PRKAB1: variants seen among roughly 807,000 people sequenced by gnomAD.
PRKAB1 encodes the protein protein kinase AMP-activated non-catalytic subunit beta 1.
A neutral mutation model predicts 32.0 loss-of-function variants in PRKAB1; 18 were observed. That is an observed-to-expected ratio of 0.56 (90% confidence interval 0.39 to 0.83). The LOEUF is 0.83. PRKAB1 is among the 40% of genes least tolerant of loss of function. The pLI is 0.00. For synonymous variants in PRKAB1, 141 were observed against 141.4 expected (o/e 1.00, Z 0.02); for missense variants, 263 against 352.6 (o/e 0.75, Z 2.03).
At chr12:119,675,633 G>T (rs962719085) in intron 4 of PRKAB1, among the ~76,000 whole-genome samples, 1 of 152,186 alleles carries the variant, frequency 6.6e-6, no homozygotes, top group African/African-American at 2.4e-5. Flanking sequence ...ACAGACTTCT[G>T]TTTCGACACT....
intron 5 of PRKAB1, chr12:119,677,899 G>C (rs1955437869): frequency 6.6e-6 from 1 of 151,642 alleles, no homozygotes; most frequent in Non-Finnish European, 1.5e-5. Flanking sequence ...CGAGTAGCTG[G>C]GACTACAGGC....
chr12:119,680,671 G>C lies in PRKAB1; in HGVS notation c.*346G>C, dbSNP rs768628912. On this transcript the variant is annotated 3_prime_UTR_variant, in exon 7 of 7. Coordinates refer to ENST00000229328, the MANE Select transcript of PRKAB1 (RefSeq NM_006253.5). Reference sequence around the variant, plus strand: ...TCTCGATTTTTCTTAAGCCAAAAATGAATGCTAACTCCTTTGCCAGTAAAA... The same window carrying C: ...TCTCGATTTTTCTTAAGCCAAAAATCAATGCTAACTCCTTTGCCAGTAAAA... 2.0e-5 allele frequency: 5 copies of C among 249,670 alleles called. No homozygotes were observed. Among genetic ancestry groups the C allele is most frequent in the Non-Finnish European group, 3.9e-5 (5 of 128,106 alleles). The allele number at this position is 249,670 out of a possible 1,614,324, so 15.5% of individuals were successfully genotyped here.
chr12:119,676,468 C>T, intron 4 of PRKAB1, 69 bp from the exon 5 acceptor site: 1 of 1,454,604 alleles, frequency 6.9e-7, no homozygotes, highest in Non-Finnish European at 9.4e-7. Flanking sequence ...GAGATGATGA[C>T]AACATAAGTA....
chr12:119,674,742 G>C lies in PRKAB1; in HGVS notation c.532+288G>C, dbSNP rs1050284104. 6.6e-6 allele frequency among the ~76,000 whole-genome samples: 1 copy of C among 152,188 alleles called. No individual in the cohort carries two copies. The highest frequency in any genetic ancestry group is 1.5e-5 in the Non-Finnish European group (1 of 68,036). On this transcript the variant is annotated intron_variant, in intron 4 of 6. Transcript: ENST00000229328. The surrounding 1 kb of genome is among the most constrained non-coding windows in gnomAD (Gnocchi z 4.3). ...TAGCTTGATCTCGTGCCAAGGGCAG[G>C]GCTGAAGAGGCCCTGGAGGGTGGCA... is the stretch of plus-strand genomic sequence containing the variant.
Position 119,680,260 on chromosome 12 carries a change from G to A in PRKAB1, c.748G>A (p.Val250Met). 1 of 1,614,024 alleles carries A rather than the reference G, an allele frequency of 6.2e-7. No individual in the cohort carries two copies. The highest frequency in any genetic ancestry group is 8.5e-7 in the Non-Finnish European group (1 of 1,179,934). ...CCTTGTTCCTTAGGATGGAGTGATG[G>A]TGCTCAGCGCAACCCACCGGTACAA... is the stretch of plus-strand genomic sequence containing the variant. ...YALSIKDGVM[V>M]LSATHRYKKK... Residue 250 changes from valine (V) to methionine (M), a missense_variant, in exon 7 of 7, where the codon GTG becomes ATG. By Grantham distance (21) the Val-to-Met change is conservative (BLOSUM62 1). Coordinates refer to ENST00000229328, the MANE Select transcript of PRKAB1 (RefSeq NM_006253.5).
In PRKAB1 at chr12:119,680,123, A is replaced by G. The variant is rs1955453191; in HGVS notation, c.735+122A>G. 2.7e-6 allele frequency: 4 copies of G among 1,484,628 alleles called. No individual in the cohort carries two copies. In the South Asian group the frequency reaches 3.5e-5, roughly 13 times the overall value. 92.0% of individuals were successfully genotyped at this position (1,484,628 alleles called of 1,614,324 possible). A position where few individuals can be genotyped will look rare whatever the true frequency, so the allele number is the denominator to read the frequency against. On this transcript the variant is annotated intron_variant, in intron 6 of 6. Coordinates refer to ENST00000229328, the MANE Select transcript of PRKAB1 (RefSeq NM_006253.5). ...CAGCTTCCAGGGTCTGGCACAGGCC[A>G]TCAGGCTCAGGTTCTGAAGCTGGCC...
In PRKAB1 at chr12:119,668,321, G is replaced by T; in HGVS notation, c.77G>T (p.Gly26Val). 6.2e-7 allele frequency: 1 copy of T among 1,613,210 alleles called. No homozygotes were observed. The change falls in exon 1 of 7, where the codon GGG becomes GTG. Residue 26 changes from glycine to valine, a missense_variant. Transcript: ENST00000229328. ...AAGACGCCCCGGAGGGACAGCTCGG[G>T]GGGCACCAAGGACGGGGACAGGCCC... ...GHKTPRRDSS[G>V]GTKDGDRPKI... is the part of the protein sequence containing the mutation.
chr12:119,680,101 C>T, intron 6 of PRKAB1, 100 bp downstream of exon 6: 1 of 1,503,706 alleles, frequency 6.7e-7, no homozygotes, highest in Non-Finnish European at 9.2e-7. Context: ...TAAAGGGCAG[C>T]TTCCAGGGTC....
rs1409969125 is a variant in PRKAB1 at position 119,680,777 on chromosome 12, G to A, written c.*452G>A. The stretch of plus-strand genomic sequence containing the variant: ...AAGGCCAGCCACTTGTCCCTGTTGA[G>A]GCCTGGCTATGGAACTAAATACAGT... On this transcript the variant is annotated 3_prime_UTR_variant, in exon 7 of 7. Transcript: ENST00000229328. The A allele has an allele frequency of 5.9e-6, 1 of 169,056 alleles. No homozygotes were observed. The highest frequency in any genetic ancestry group is 5.7e-5 in the Admixed American group (1 of 17,394). 10.5% of individuals were successfully genotyped at this position (169,056 alleles called of 1,614,324 possible). A position where few individuals can be genotyped will look rare whatever the true frequency, so the allele number is the denominator to read the frequency against.
chr12:119,674,499 T>C lies in PRKAB1; in HGVS notation c.532+45T>C, dbSNP rs753332335. 5.0e-6 allele frequency: 7 copies of C among 1,413,346 alleles called. No homozygotes were observed. In the Admixed American group the frequency reaches 5.1e-5, roughly 10 times the overall value. 87.6% of individuals were successfully genotyped at this position (1,413,346 alleles called of 1,614,324 possible). Reference sequence around the variant, plus strand: ...ATACCACATGCGTGCAGGTGGGGGCTGTACAGTCTAGACATACTCTTGTTT... The same window carrying C: ...ATACCACATGCGTGCAGGTGGGGGCCGTACAGTCTAGACATACTCTTGTTT... On this transcript the variant is annotated intron_variant, in intron 4 of 6. Coordinates refer to ENST00000229328, the MANE Select transcript of PRKAB1 (RefSeq NM_006253.5). The surrounding 1 kb of genome is among the most constrained non-coding windows in gnomAD (Gnocchi z 4.3).
At position 119,676,278 on chromosome 12, in the gene PRKAB1, C is replaced by G. The variant is rs752451715; in HGVS notation, c.533-259C>G. ...CGAGAATAGCCTCCTTGTGATCTGA[C>G]GCAGACTCACTGGCTGGGCCGTGTC... On this transcript the variant is annotated intron_variant, in intron 4 of 6. Transcript: ENST00000229328. Among the ~76,000 whole-genome samples, 11 of 152,252 alleles carry G rather than the reference C, an allele frequency of 7.2e-5. 1 individual carries two copies. Among genetic ancestry groups the G allele is most frequent in the Admixed American group, 5.9e-4 (9 of 15,296 alleles).
rs530202738 is a variant in PRKAB1, at chr12:119,671,498, G to A, written c.160-803G>A. 375 of 400,684 alleles carry A rather than the reference G, an allele frequency of 9.4e-4. 6 individuals are homozygous for A. Among genetic ancestry groups the A allele is most frequent in the South Asian group, 6.3e-3 (362 of 57,174 alleles). The allele number at this position is 400,684 out of a possible 1,614,324, so 24.8% of individuals were successfully genotyped here. A position where few individuals can be genotyped will look rare whatever the true frequency, so the allele number is the denominator to read the frequency against. On this transcript the variant is annotated intron_variant, in intron 1 of 6. Transcript: ENST00000229328. ...GGTAAAAGGCACCTCTTCACAGGAC[G>A]GCAGAAGAGAATGAGAGCAAGCAGG...
In PRKAB1 at chr12:119,674,215, T is replaced by C; in HGVS notation, c.418-125T>C. ...ACTACCTGTCAGACAGTTGGCATAC[T>C]TGACCAAGATGAGCAGGGTGGCTAG... On this transcript the variant is annotated intron_variant, in intron 3 of 6. Transcript: ENST00000229328. This position sits in a 1 kb window ranked among gnomAD's most constrained non-coding sequence, Gnocchi z 4.3. 1 of 1,023,328 alleles carries C rather than the reference T, an allele frequency of 9.8e-7. No homozygotes were observed. The allele number at this position is 1,023,328 out of a possible 1,614,324, so 63.4% of individuals were successfully genotyped here.
upstream of PRKAB1, chr12:119,667,999 G>T (rs1297875529): frequency 9.9e-6 from 5 of 504,060 alleles, no homozygotes; most frequent in Non-Finnish European, 1.7e-5. Context: ...GAAAGTGTCG[G>T]TTTATCTTCG....
upstream of PRKAB1, chr12:119,668,120 G>A (rs2136846854): frequency 8.3e-7 from 1 of 1,205,628 alleles, no homozygotes; most frequent in South Asian, 1.9e-5. Flanking sequence ...GGGGCGTGGT[G>A]TCCTGGTGCT....
intron 5 of PRKAB1, among the ~76,000 whole-genome samples, 192 bp downstream of exon 5, chr12:119,676,862 G>A (rs542006034): frequency 2.0e-5 from 3 of 152,300 alleles, no homozygotes; most frequent in Admixed American, 1.3e-4. Context: ...CCGCTGCCTC[G>A]TCTTGCAAAG....
At position 119,668,242 on chromosome 12, in the gene PRKAB1, A is replaced by AT. The variant is rs768381257; in HGVS notation, c.-2dup. ...CTTCCCTGTGTCCCCGCAGACCCCC[A>AT]TCATGGGCAATACCAGCAGTGAGCG... is the stretch of plus-strand genomic sequence containing the variant. On this transcript the variant is annotated 5_prime_UTR_variant, in exon 1 of 7. Transcript: ENST00000229328. 1.3e-6 allele frequency: 2 copies of AT among 1,588,454 alleles called. No individual in the cohort carries two copies. Among genetic ancestry groups the AT allele is most frequent in the Non-Finnish European group, 1.7e-6 (2 of 1,171,056 alleles).
chr12:119,676,754 A>G, intron 5 of PRKAB1, 84 bp downstream of exon 5: 13 of 1,507,176 alleles, frequency 8.6e-6, no homozygotes, highest in Non-Finnish European at 1.1e-5. Context: ...CTTGCAAAGC[A>G]GCTGGTGAGC....
At chr12:119,668,432 C>T (rs1266996113) in intron 1 of PRKAB1, 29 bp downstream of exon 1, 1 of 1,608,682 alleles carries the variant, frequency 6.2e-7, no homozygotes, top group Non-Finnish European at 8.5e-7. Flanking sequence ...AACCCGATTC[C>T]CCTTGACTAA....
Sources: allele counts gnomAD v4.1 joint callset (sites outside exome capture counted in the v4.1 genomes callset), GRCh38; gene constraint gnomAD v4.1.1; non-coding constraint Gnocchi (gnomAD v3.1); transcripts MANE v1.5; gene names NCBI Gene and HGNC (gene_info 2026-07-23, HGNC 2026-07-21).